Variants in UBR2 observed in about 807,000 individuals in gnomAD.
The protein encoded by UBR2 is E3 ubiquitin-protein ligase UBR2.
UBR2 carries 92 observed loss-of-function variants against 247.9 expected under a neutral mutation model. The observed-to-expected ratio is 0.37, with a 90% CI of 0.31 to 0.44. The LOEUF is 0.44. UBR2 is among the 20% of genes least tolerant of loss of function. The pLI is 1.00. For missense variants in UBR2, 1,613 were observed against 2,112.6 expected (o/e 0.76, Z 4.64); for synonymous variants, 672 against 693.5 (o/e 0.97, Z 0.49).
At chr6:42,581,003 ATTTTTTTTT>A (rs58396471) in intron 2 of UBR2, among the ~76,000 whole-genome samples, 5 of 62,600 alleles carry the variant, frequency 8.0e-5, no homozygotes, top group Non-Finnish European at 1.4e-4. Context: ...TGGTTCTAGA[ATTTTTTTTT>A]TTTTTTTTTT....
chr6:42,668,349 A>G (rs748912395), intron 34 of UBR2, among the ~76,000 whole-genome samples: 3 of 152,160 alleles, frequency 2.0e-5, no homozygotes, highest in Non-Finnish European at 4.4e-5. Context: ...ATTCTAGGGT[A>G]GAAGTAACTT....
At position 42,630,969 on chromosome 6, in the gene UBR2, G is replaced by A. The variant is rs902487642; in HGVS notation, c.1282-1583G>A. 2.0e-5 allele frequency among the ~76,000 whole-genome samples: 3 copies of A among 151,968 alleles called. No homozygotes were observed. In the East Asian group the frequency reaches 5.8e-4, roughly 29 times the overall value. ...ATACAGGTACATGCCACCACACCCA[G>A]CTAATTGTTTTATTTTTTATAGAGA... On this transcript the variant is annotated intron_variant, in intron 11 of 46. Coordinates refer to ENST00000372901, the MANE Select transcript of UBR2 (RefSeq NM_001363705.2).
rs191184592 is a variant in UBR2 at position 42,678,253 on chromosome 6, G to A, written c.4479-286G>A. On this transcript the variant is annotated intron_variant, in intron 40 of 46. Coordinates refer to ENST00000372901, the MANE Select transcript of UBR2 (RefSeq NM_001363705.2). The stretch of plus-strand genomic sequence containing the variant: ...CAGGAGGCTGAGGCAGGAGAATGGC[G>A]TGAACCCAGGAGGCAGAGCTTGCAG... Among the ~76,000 whole-genome samples the A allele has an allele frequency of 6.8e-3, 1,037 of 152,200 alleles. 10 individuals are homozygous for A. Among genetic ancestry groups the A allele is most frequent in the Non-Finnish European group, 0.012 (836 of 67,994 alleles).
In UBR2 at chr6:42,679,872, C is replaced by T. The variant is rs751183928; in HGVS notation, c.4718+40C>T. On this transcript the variant is annotated intron_variant, in intron 42 of 46. Coordinates refer to ENST00000372901, the MANE Select transcript of UBR2 (RefSeq NM_001363705.2). Reference sequence around the variant, plus strand: ...CTTTTCTTTGTTGTATTAAATAGCTCTATGGAACCAAACTTTAGTTATCAC... The same window carrying T: ...CTTTTCTTTGTTGTATTAAATAGCTTTATGGAACCAAACTTTAGTTATCAC... 4 of 1,434,608 alleles carry T rather than the reference C, an allele frequency of 2.8e-6. No homozygotes were observed. In the African/African-American group the frequency reaches 4.3e-5, roughly 15 times the overall value. The allele number at this position is 1,434,608 out of a possible 1,614,324, so 88.9% of individuals were successfully genotyped here. A position where few individuals can be genotyped will look rare whatever the true frequency, so the allele number is the denominator to read the frequency against.
rs59218885 is a variant in UBR2, at chr6:42,631,860, T to TTATA, written c.1282-665_1282-662dup. On this transcript the variant is annotated intron_variant, in intron 11 of 46. Coordinates refer to ENST00000372901, the MANE Select transcript of UBR2 (RefSeq NM_001363705.2). ...GTATTATGTAGTATATACTCTGATT[T>TTATA]TATATATATATATATATATATATAT... 3.6e-3 allele frequency among the ~76,000 whole-genome samples: 224 copies of TTATA among 61,480 alleles called. 1 individual carries two copies. The highest frequency in any genetic ancestry group is 0.016 in the Middle Eastern group (2 of 124). The allele number at this position is 61,480 out of a possible 152,430, so 40.3% of individuals were successfully genotyped here.
At chr6:42,679,098 G>A (rs969670161) in intron 41 of UBR2, among the ~76,000 whole-genome samples, 2 of 152,194 alleles carry the variant, frequency 1.3e-5, no homozygotes, top group Non-Finnish European at 2.9e-5. Flanking sequence ...TCTGGGAATT[G>A]ATTTGCTCTT....
intron 2 of UBR2, among the ~76,000 whole-genome samples, chr6:42,574,448 G>A (rs534447930): frequency 1.4e-4 from 22 of 152,194 alleles, no homozygotes; most frequent in South Asian, 4.1e-4. Flanking sequence ...GCTCTGACCC[G>A]TATGTACAAT....
chr6:42,687,219 C>T (rs1255246573), intron 44 of UBR2, among the ~76,000 whole-genome samples: 2 of 152,236 alleles, frequency 1.3e-5, no homozygotes, highest in Non-Finnish European at 2.9e-5. Flanking sequence ...GAGCAAGACT[C>T]CCTCTGCAAT....
chr6:42,658,413 C>A, intron 28 of UBR2, 93 bp downstream of exon 28: 1 of 665,038 alleles, frequency 1.5e-6, no homozygotes, highest in Non-Finnish European at 2.1e-6. Flanking sequence ...GCCAGTTACT[C>A]ACAACATTTA....
chr6:42,685,551 G>A lies in UBR2; in HGVS notation c.4853+680G>A, dbSNP rs1031251964. Among the ~76,000 whole-genome samples the A allele has an allele frequency of 9.6e-4, 143 of 149,642 alleles. 1 individual carries two copies. The highest frequency in any genetic ancestry group is 3.1e-3 in the African/African-American group (126 of 40,464). ...GCAACCTTGGCTCGCTGCAACCTCC[G>A]CCTCCCAGATGCTAGTGATTCTTGT... On this transcript the variant is annotated intron_variant, in intron 44 of 46. Transcript: ENST00000372901.
At chr6:42,658,931 G>A (rs533452079) in intron 29 of UBR2, 107 bp downstream of exon 29, 368 of 1,233,234 alleles carry the variant, frequency 3.0e-4, no homozygotes, top group Non-Finnish European at 3.8e-4. Flanking sequence ...AAGTAATTTA[G>A]TAGAATTCAT....
At chr6:42,680,237 CG>C (rs1266620134) in intron 42 of UBR2, among the ~76,000 whole-genome samples, 8 of 152,146 alleles carry the variant, frequency 5.3e-5, no homozygotes, top group Non-Finnish European at 1.2e-4. Flanking sequence ...TCACCCACCT[CG>C]GCCTTCCAAA....
At chr6:42,670,024 A>C in intron 34 of UBR2, 68 bp from the exon 35 acceptor site, 18 of 1,558,788 alleles carry the variant, frequency 1.2e-5, no homozygotes, top group Non-Finnish European at 1.5e-5. Flanking sequence ...AAGAGCTGTT[A>C]AGAAACCGAA....
chr6:42,669,327 A>G (rs916122973), intron 34 of UBR2, among the ~76,000 whole-genome samples: 1 of 152,082 alleles, frequency 6.6e-6, no homozygotes, highest in Admixed American at 6.6e-5. Flanking sequence ...TTTTTTATTC[A>G]TTTTGCTAGG....
chr6:42,597,371 A>G (rs930862128), intron 4 of UBR2, among the ~76,000 whole-genome samples: 2 of 152,082 alleles, frequency 1.3e-5, no homozygotes, highest in Non-Finnish European at 2.9e-5. Context: ...CGAGGTGGGC[A>G]GATCACTTGA....
At chr6:42,674,227 T>C in intron 38 of UBR2, 34 bp downstream of exon 38, 1 of 1,599,360 alleles carries the variant, frequency 6.3e-7, no homozygotes, top group Non-Finnish European at 8.6e-7. Context: ...GACTTCTACG[T>C]CATACTATGT....
intron 2 of UBR2, among the ~76,000 whole-genome samples, chr6:42,590,434 T>C (rs1386201069): frequency 1.3e-5 from 2 of 152,244 alleles, no homozygotes; most frequent in African/African-American, 4.8e-5. Flanking sequence ...GGCTCTCAGA[T>C]TGATATTTAA....
chr6:42,625,390 AT>A (rs1258895070), intron 11 of UBR2, among the ~76,000 whole-genome samples: 3 of 151,832 alleles, frequency 2.0e-5, no homozygotes, highest in Non-Finnish European at 4.4e-5. Context: ...GTTTTGTAGT[AT>A]TTTTTGTAAT....
At chr6:42,651,657 A>AT (rs1178638365) in intron 23 of UBR2, among the ~76,000 whole-genome samples, 2 of 151,796 alleles carry the variant, frequency 1.3e-5, no homozygotes, top group Non-Finnish European at 2.9e-5. Flanking sequence ...CGCCCAGCCA[A>AT]TTTTTGTATT....
Sources: allele counts gnomAD v4.1 joint callset (sites outside exome capture counted in the v4.1 genomes callset), GRCh38; gene constraint gnomAD v4.1.1; transcripts MANE v1.5; gene names NCBI Gene and HGNC (gene_info 2026-07-23, HGNC 2026-07-21).